RTN4RL1: variants seen among roughly 807,000 people sequenced by gnomAD.
The protein encoded by RTN4RL1 is reticulon 4 receptor like 1.
In RTN4RL1, 7 loss-of-function variants were observed where a neutral mutation model predicts 25.6. That is an observed-to-expected ratio of 0.27 (90% CI 0.16 to 0.51). RTN4RL1 has a LOEUF of 0.51. Ranked by LOEUF, RTN4RL1 falls within the 20% of genes least tolerant of loss-of-function variation. RTN4RL1 has a pLI of 0.97. For missense variants in RTN4RL1, 500 were observed against 615.6 expected, an observed-to-expected ratio of 0.81 and a Z score of 1.99; for synonymous variants, 297 against 288.2, an observed-to-expected ratio of 1.03 and a Z score of -0.31.
intron 1 of RTN4RL1, among the ~76,000 whole-genome samples, chr17:1,947,589 G>A (rs1341277565): frequency 1.3e-5 from 2 of 151,070 alleles, no homozygotes; most frequent in African/African-American, 2.5e-5. Context: ...CCCCTTATTG[G>A]AATAGCCTTT....
intron 1 of RTN4RL1, among the ~76,000 whole-genome samples, chr17:1,987,694 A>G (rs1456569911): frequency 1.4e-5 from 2 of 147,910 alleles, no homozygotes; most frequent in African/African-American, 5.0e-5. Flanking sequence ...GTTTGCCTGC[A>G]CTGCAGATGT....
chr17:1,936,262 C>T lies in RTN4RL1; in HGVS notation c.*234G>A. On this transcript the variant is annotated 3_prime_UTR_variant, in exon 2 of 2. Coordinates refer to ENST00000331238, the MANE Select transcript of RTN4RL1 (RefSeq NM_178568.4). ...CCAGAGTGGACACTGTCCGTGGGCG[C>T]TCTGCGGGGCTGGCTGGGACAGCCG... 1.5e-6 allele frequency: 2 copies of T among 1,364,942 alleles called. No homozygotes were observed. The highest frequency in any genetic ancestry group is 1.9e-6 in the Non-Finnish European group (2 of 1,065,698). The allele number at this position is 1,364,942 out of a possible 1,614,324, so 84.6% of individuals were successfully genotyped here.
intron 1 of RTN4RL1, among the ~76,000 whole-genome samples, chr17:2,024,565 G>A (rs1597265657): frequency 6.6e-6 from 1 of 152,160 alleles, no homozygotes; most frequent in Non-Finnish European, 1.5e-5. Flanking sequence ...CCAGGAGGCC[G>A]GCTCCCCTTC....
At chr17:1,987,384 G>A (rs549447534) in intron 1 of RTN4RL1, among the ~76,000 whole-genome samples, 7 of 152,282 alleles carry the variant, frequency 4.6e-5, no homozygotes, top group Admixed American at 2.6e-4. Flanking sequence ...TTTCCGGGAG[G>A]AGGGACAGAT....
chr17:1,967,584 C>T (rs959523608), intron 1 of RTN4RL1, among the ~76,000 whole-genome samples: 3 of 152,086 alleles, frequency 2.0e-5, no homozygotes, highest in African/African-American at 7.2e-5. Context: ...TCTACCCCTC[C>T]TCCCAGACAG....
intron 1 of RTN4RL1, among the ~76,000 whole-genome samples, chr17:1,955,838 C>T (rs1248341823): frequency 6.6e-6 from 1 of 151,732 alleles, no homozygotes; most frequent in African/African-American, 2.4e-5. Flanking sequence ...CCCGCCTCAG[C>T]CTCCCAACGT....
chr17:1,974,723 GA>G (rs2066835247), intron 1 of RTN4RL1, among the ~76,000 whole-genome samples: 2 of 151,164 alleles, frequency 1.3e-5, no homozygotes, highest in South Asian at 2.1e-4. Flanking sequence ...TGGGGGTGGG[GA>G]GGGGGGAGGG....
At chr17:1,944,806 A>C (rs11657565) in intron 1 of RTN4RL1, among the ~76,000 whole-genome samples, 62,819 of 151,968 alleles carry the variant, frequency 0.41, 13,918 homozygotes, top group Middle Eastern at 0.54. Context: ...CCACCACCCT[A>C]GTCTGGGCAA....
intron 1 of RTN4RL1, among the ~76,000 whole-genome samples, chr17:1,967,902 A>G (rs1055790520): frequency 6.6e-6 from 1 of 151,914 alleles, no homozygotes. Context: ...CAGCCTCCCA[A>G]AGTGCTGGGA....
intron 1 of RTN4RL1, among the ~76,000 whole-genome samples, chr17:1,976,260 G>T (rs2066842369): frequency 6.6e-6 from 1 of 152,196 alleles, no homozygotes; most frequent in Admixed American, 6.5e-5. Flanking sequence ...GCTGGCCCCA[G>T]GGGTCTTCAC....
intron 1 of RTN4RL1, among the ~76,000 whole-genome samples, chr17:2,014,318 A>G (rs1207060064): frequency 6.6e-6 from 1 of 152,148 alleles, no homozygotes; most frequent in Non-Finnish European, 1.5e-5. Flanking sequence ...CAGATCACAT[A>G]AAAGTATTAT....
At chr17:1,974,985 C>T (rs1333797604) in intron 1 of RTN4RL1, among the ~76,000 whole-genome samples, 1 of 152,214 alleles carries the variant, frequency 6.6e-6, no homozygotes, top group Non-Finnish European at 1.5e-5. Context: ...GCATTTAGCC[C>T]TTCCACTACC....
chr17:2,013,589 A>C (rs113631999), intron 1 of RTN4RL1, among the ~76,000 whole-genome samples: 26,959 of 137,892 alleles, frequency 0.2, 3,059 homozygotes, highest in East Asian at 0.41. Flanking sequence ...TAAATACCCC[A>C]GCTCCCTCAC....
chr17:2,004,941 G>A (rs1207366610), intron 1 of RTN4RL1, among the ~76,000 whole-genome samples: 3 of 152,242 alleles, frequency 2.0e-5, no homozygotes, highest in Non-Finnish European at 2.9e-5. Flanking sequence ...TAGGAATGGC[G>A]GCGTTCATTG....
chr17:1,969,475 G>A (rs1242620730), intron 1 of RTN4RL1, among the ~76,000 whole-genome samples: 2 of 152,138 alleles, frequency 1.3e-5, no homozygotes, highest in Non-Finnish European at 2.9e-5. Context: ...TCTAACTTCA[G>A]ACCAACCAGA....
chr17:2,023,188 C>T (rs9916396), intron 1 of RTN4RL1, among the ~76,000 whole-genome samples: 7,637 of 152,254 alleles, frequency 0.05, 248 homozygotes, highest in East Asian at 0.14. Context: ...GTCTGGGAAG[C>T]CTTCTCGACC....
intron 1 of RTN4RL1, among the ~76,000 whole-genome samples, chr17:1,984,765 G>A (rs889142661): frequency 2.0e-5 from 3 of 152,294 alleles, no homozygotes; most frequent in South Asian, 2.1e-4. Flanking sequence ...TCAGGAGCTC[G>A]AAGCCAGCCT....
chr17:1,969,517 A>G (rs1284826723), intron 1 of RTN4RL1, among the ~76,000 whole-genome samples: 1 of 152,196 alleles, frequency 6.6e-6, no homozygotes, highest in Admixed American at 6.5e-5. Context: ...CTAGCCGATC[A>G]CAGTGGATGA....
intron 1 of RTN4RL1, among the ~76,000 whole-genome samples, chr17:1,962,663 G>A (rs1249597527): frequency 5.3e-5 from 8 of 151,870 alleles, no homozygotes; most frequent in African/African-American, 1.5e-4. Flanking sequence ...TCAGGAGTTC[G>A]AGATCAGCCC....
Sources: allele counts gnomAD v4.1 joint callset (sites outside exome capture counted in the v4.1 genomes callset), GRCh38; gene constraint gnomAD v4.1.1; transcripts MANE v1.5; gene names NCBI Gene and HGNC (gene_info 2026-07-23, HGNC 2026-07-21).